Variants in BBS5 observed in about 807,000 individuals in gnomAD.
BBS5 encodes the protein Bardet-Biedl syndrome 5, also known as BBSome complex member BBS5.
In BBS5, 39 loss-of-function variants were observed where a neutral mutation model predicts 50.2. The ratio of observed to expected loss-of-function variants is 0.78; its 90% CI spans 0.60 to 1.01. The LOEUF (loss-of-function observed/expected upper bound fraction) is 1.01, where lower values mean the gene tolerates loss of function less well. BBS5 is among the 50% of genes least tolerant of loss of function. The pLI is 0.00. For missense variants in BBS5, 356 were observed against 401.5 expected (o/e 0.89, Z 0.97); for synonymous variants, 134 against 133.1 (o/e 1.01, Z -0.05).
At chr2:169,490,634 AT>A (rs1005730369) in intron 5 of BBS5, among the ~76,000 whole-genome samples, 1 of 152,104 alleles carries the variant, frequency 6.6e-6, no homozygotes, top group African/African-American at 2.4e-5. Flanking sequence ...TAATGGCTTA[AT>A]TTTTTAATTG....
intron 9 of BBS5, among the ~76,000 whole-genome samples, chr2:169,500,620 T>G (rs114519603): frequency 6.9e-4 from 105 of 152,334 alleles, no homozygotes; most frequent in Admixed American, 1.7e-3. Flanking sequence ...AGCCATTACT[T>G]ATATCTCTTC....
intron 6 of BBS5, 145 bp downstream of exon 6, chr2:169,493,154 G>A (rs1683631952): frequency 2.2e-6 from 2 of 926,600 alleles, no homozygotes; most frequent in East Asian, 2.5e-5. Flanking sequence ...TACAAGTTAG[G>A]TTGATGATAA....
At chr2:169,488,482 A>G (rs1683526256) in intron 5 of BBS5, among the ~76,000 whole-genome samples, 1 of 152,222 alleles carries the variant, frequency 6.6e-6, no homozygotes, top group African/African-American at 2.4e-5. Context: ...TTGCATTCCT[A>G]TGAAAATCTA....
chr2:169,482,157 G>C (rs1314595752), intron 1 of BBS5, 94 bp from the exon 2 acceptor site: 2 of 807,154 alleles, frequency 2.5e-6, no homozygotes, highest in Non-Finnish European at 4.4e-6. Flanking sequence ...TATGCTGTTA[G>C]CTGTTTTATG....
In BBS5 at chr2:169,492,856, G is replaced by C. The variant is rs369520912; in HGVS notation, c.387-18G>C. On this transcript the variant is annotated intron_variant, in intron 5 of 11. Coordinates refer to ENST00000295240, the MANE Select transcript of BBS5 (RefSeq NM_152384.3). ...ACATTTTCAGTTTGAGTTGTCTTTT[G>C]TTTGTTCTTTTTCATAGAGCTTATG... 2 of 1,603,880 alleles carry C rather than the reference G, an allele frequency of 1.2e-6. No individual in the cohort carries two copies. Among genetic ancestry groups the C allele is most frequent in the Non-Finnish European group, 1.7e-6 (2 of 1,174,046 alleles).
chr2:169,493,609 A>G (rs568670382), intron 6 of BBS5, 132 bp from the exon 7 acceptor site: 7 of 711,606 alleles, frequency 9.8e-6, no homozygotes, highest in Non-Finnish European at 1.8e-5. Flanking sequence ...ACTGCCATCA[A>G]TGAATGATGA....
chr2:169,494,682 A>G (rs1326219980), intron 7 of BBS5, among the ~76,000 whole-genome samples: 1 of 152,246 alleles, frequency 6.6e-6, no homozygotes, highest in Non-Finnish European at 1.5e-5. Context: ...TGACTCAGTG[A>G]AACAAACTGT....
At chr2:169,494,572 A>G (rs1683661005) in intron 7 of BBS5, among the ~76,000 whole-genome samples, 1 of 151,906 alleles carries the variant, frequency 6.6e-6, no homozygotes. Flanking sequence ...AAAAAAAACT[A>G]TGAAAATTCA....
chr2:169,482,170 C>T, intron 1 of BBS5, 81 bp from the exon 2 acceptor site: 1 of 871,460 alleles, frequency 1.1e-6, no homozygotes, highest in East Asian at 2.4e-5. Flanking sequence ...GTTTTATGTA[C>T]ATATGTCTCT....
At chr2:169,504,378 A>G in intron 11 of BBS5, 52 bp downstream of exon 11, 2 of 1,594,992 alleles carry the variant, frequency 1.3e-6, no homozygotes. Flanking sequence ...CTAAATTCCA[A>G]CATTTAGCAT....
Position 169,504,924 on chromosome 2 carries a change from A to T in BBS5, c.*342A>T. On this transcript the variant is annotated 3_prime_UTR_variant, in exon 12 of 12. Coordinates refer to ENST00000295240, the MANE Select transcript of BBS5 (RefSeq NM_152384.3). ...CCAGCCAATGGGGACGTTGCGGCCCAGTGGGTGGAGGTCCAAAGAGGACTG... is the reference window on the plus strand; with the variant it reads ...CCAGCCAATGGGGACGTTGCGGCCCTGTGGGTGGAGGTCCAAAGAGGACTG... 6.2e-7 allele frequency: 1 copy of T among 1,613,684 alleles called. No individual in the cohort carries two copies. Among genetic ancestry groups the T allele is most frequent in the Non-Finnish European group, 8.5e-7 (1 of 1,179,924 alleles).
intron 11 of BBS5, 31 bp downstream of exon 11, chr2:169,504,357 GA>G (rs755376682): frequency 7.1e-5 from 115 of 1,609,380 alleles, no homozygotes; most frequent in Non-Finnish European, 8.8e-5. Context: ...TACAGTATAT[GA>G]AAAAAGTTTC....
chr2:169,482,332 A>C lies in BBS5; in HGVS notation c.141A>C (p.Arg47Ser), dbSNP rs758623380. 6.5e-7 allele frequency: 1 copy of C among 1,548,242 alleles called. No homozygotes were observed. The highest frequency in any genetic ancestry group is 8.9e-7 in the Non-Finnish European group (1 of 1,120,260). ...IEDTKGNNGD[R>S]GRLLVTNLRI... ...ACACCAAAGGAAATAATGGAGATAG[A>C]GGTGAGTATATTTTTAAATGTATCT... The change falls in exon 2 of 12, where the codon AGA becomes AGC. Residue 47 changes from arginine to serine, a missense_variant and splice_region_variant. Coordinates refer to ENST00000295240, the MANE Select transcript of BBS5 (RefSeq NM_152384.3).
intron 5 of BBS5, among the ~76,000 whole-genome samples, chr2:169,490,260 G>C (rs982094940): frequency 5.2e-5 from 7 of 134,330 alleles, no homozygotes; most frequent in Non-Finnish European, 1.1e-4. Context: ...TGGCGCGATG[G>C]TCGGCTCACT....
chr2:169,493,878 A>G, intron 7 of BBS5, 42 bp downstream of exon 7: 1 of 1,377,416 alleles, frequency 7.3e-7, no homozygotes. Context: ...AATGTAAAAT[A>G]AATATTTTTT....
chr2:169,500,045 C>T (rs988399898), intron 9 of BBS5, among the ~76,000 whole-genome samples: 3 of 151,902 alleles, frequency 2.0e-5, no homozygotes, highest in African/African-American at 4.8e-5. Flanking sequence ...ATCAGCACGG[C>T]CTGCATCCAT....
chr2:169,486,580 A>G lies in BBS5; in HGVS notation c.143-489A>G, dbSNP rs575444580. Among the ~76,000 whole-genome samples, 10 of 152,344 alleles carry G rather than the reference A, an allele frequency of 6.6e-5. 1 individual carries two copies. In the East Asian group the frequency reaches 1.7e-3, roughly 26 times the overall value. On this transcript the variant is annotated intron_variant, in intron 2 of 11. Coordinates refer to ENST00000295240, the MANE Select transcript of BBS5 (RefSeq NM_152384.3). ...TTCTTAGGAACAAAATAGTTTGCTC[A>G]CAGCAAAATTGTGTGTATAAATATA... is the stretch of plus-strand genomic sequence containing the variant.
chr2:169,506,161 C>T lies in BBS5; in HGVS notation c.*1579C>T, dbSNP rs1185035145. On this transcript the variant is annotated 3_prime_UTR_variant, in exon 12 of 12. Coordinates refer to ENST00000295240, the MANE Select transcript of BBS5 (RefSeq NM_152384.3). ...TCAGCCCCCCGCCCGGCCAGCCGCCCGGTCCGGGAGGGAGGTGGGGGGGTC... is the reference window on the plus strand; with the variant it reads ...TCAGCCCCCCGCCCGGCCAGCCGCCTGGTCCGGGAGGGAGGTGGGGGGGTC... 3.4e-4 allele frequency: 51 copies of T among 150,924 alleles called. No homozygotes were observed. The highest frequency in any genetic ancestry group is 1.1e-3 in the African/African-American group (43 of 40,524). 9.3% of individuals were successfully genotyped at this position (150,924 alleles called of 1,614,324 possible).
chr2:169,483,742 T>C (rs12612150), intron 2 of BBS5, among the ~76,000 whole-genome samples: 18,033 of 152,142 alleles, frequency 0.12, 1,262 homozygotes, highest in East Asian at 0.3. Flanking sequence ...TGGCTAGGGC[T>C]CATCCTTAAA....
Sources: gnomAD v4.1 joint callset for allele counts (sites outside exome capture counted in the v4.1 genomes callset) on GRCh38, gnomAD v4.1.1 for gene constraint, MANE v1.5 for transcripts, NCBI Gene and HGNC (gene_info 2026-07-23, HGNC 2026-07-21) for gene names.